The following CERS6 variants were observed in gnomAD, a reference collection of about 807,000 sequenced individuals.
The protein encoded by CERS6 is ceramide synthase 6.
A neutral mutation model predicts 56.8 loss-of-function variants in CERS6; 26 were observed. The ratio of observed to expected loss-of-function variants is 0.46; its 90% CI spans 0.34 to 0.63. CERS6 has a LOEUF of 0.63. Among genes scored for constraint, CERS6 ranks in the 30% least tolerant of loss-of-function variants. The pLI is 0.01. For synonymous variants in CERS6, 164 were observed against 173.3 expected (o/e 0.95, Z 0.42); for missense variants, 415 against 467.5 (o/e 0.89, Z 1.04).
intron 3 of CERS6, among the ~76,000 whole-genome samples, chr2:168,577,340 G>A (rs1484257233): frequency 6.6e-6 from 1 of 152,132 alleles, no homozygotes; most frequent in Non-Finnish European, 1.5e-5. Flanking sequence ...CAAGTCATTC[G>A]GTGTCTGCCA....
At chr2:168,760,738 G>GTTTGTTTATTTATTTATTTATTTA (rs376070301) in intron 8 of CERS6, among the ~76,000 whole-genome samples, 6 of 129,222 alleles carry the variant, frequency 4.6e-5, no homozygotes, top group African/African-American at 1.3e-4. Flanking sequence ...TTTACTGTTT[G>GTTTGTTTATTTATTTATTTATTTA]TTTATTTATT....
intron 1 of CERS6, among the ~76,000 whole-genome samples, chr2:168,470,174 C>T (rs1693950292): frequency 6.9e-6 from 1 of 144,854 alleles, no homozygotes; most frequent in Admixed American, 7.2e-5. Flanking sequence ...GAGTTTGAGA[C>T]CAACCTGAGC....
At position 168,771,550 on chromosome 2, in the gene CERS6, T is replaced by A. The variant is rs1278538974; in HGVS notation, c.*1888T>A. 1 of 152,170 alleles carries A rather than the reference T, an allele frequency of 6.6e-6. No individual in the cohort carries two copies. The highest frequency in any genetic ancestry group is 1.5e-5 in the Non-Finnish European group (1 of 68,018). 9.4% of individuals were successfully genotyped at this position (152,170 alleles called of 1,614,324 possible). A position where few individuals can be genotyped will look rare whatever the true frequency, so the allele number is the denominator to read the frequency against. On this transcript the variant is annotated 3_prime_UTR_variant, in exon 10 of 10. Coordinates refer to ENST00000305747, the MANE Select transcript of CERS6 (RefSeq NM_203463.3). ...TTTGTAAGAACAATCATAAAAGGACTTGTTAGTCTCCAGAACATCTGCTAA... is the reference window on the plus strand; with the variant it reads ...TTTGTAAGAACAATCATAAAAGGACATGTTAGTCTCCAGAACATCTGCTAA...
At chr2:168,486,970 T>C (rs1167692678) in intron 1 of CERS6, among the ~76,000 whole-genome samples, 14 of 152,182 alleles carry the variant, frequency 9.2e-5, no homozygotes, top group African/African-American at 3.4e-4. Context: ...GATTTTTTTT[T>C]CAGTGTGACT....
chr2:168,535,669 G>GTTTTTTTT (rs59139047), intron 1 of CERS6, among the ~76,000 whole-genome samples: 1 of 115,598 alleles, frequency 8.7e-6, no homozygotes, highest in African/African-American at 3.3e-5. Context: ...TTTGATACCA[G>GTTTTTTTT]TTTTTTTTTT....
intron 6 of CERS6, among the ~76,000 whole-genome samples, chr2:168,696,196 T>G (rs1271619263): frequency 6.6e-6 from 1 of 152,216 alleles, no homozygotes; most frequent in Non-Finnish European, 1.5e-5. Context: ...GCTTATTTTA[T>G]GAATGATGAA....
intron 1 of CERS6, among the ~76,000 whole-genome samples, chr2:168,520,698 C>T (rs1469072728): frequency 1.4e-5 from 2 of 147,760 alleles, no homozygotes; most frequent in African/African-American, 2.5e-5. Flanking sequence ...CAACCTCCGC[C>T]TCCTGGGTTC....
At chr2:168,460,185 GTCTTTTTTTTTTCTTT>G (rs761032105) in intron 1 of CERS6, among the ~76,000 whole-genome samples, 26 of 151,672 alleles carry the variant, frequency 1.7e-4, no homozygotes, top group South Asian at 4.2e-4. Context: ...GCGGCTGAAT[GTCTTTTTTTTTTCTTT>G]TCTTTTTTTT....
intron 2 of CERS6, among the ~76,000 whole-genome samples, chr2:168,548,065 A>T (rs1165691795): frequency 6.6e-6 from 1 of 152,110 alleles, no homozygotes; most frequent in Admixed American, 6.6e-5. Context: ...AATGTGATTT[A>T]TGTGTGTGCG....
intron 4 of CERS6, among the ~76,000 whole-genome samples, chr2:168,658,089 T>C (rs973996799): frequency 6.6e-6 from 1 of 152,224 alleles, no homozygotes; most frequent in African/African-American, 2.4e-5. Context: ...ACTAGATGTG[T>C]GACGTGTTGC....
chr2:168,714,508 C>T (rs1310912007), intron 6 of CERS6, among the ~76,000 whole-genome samples: 1 of 152,182 alleles, frequency 6.6e-6, no homozygotes, highest in Non-Finnish European at 1.5e-5. Flanking sequence ...ACAGTTGCCC[C>T]AAAGATCTTC....
intron 3 of CERS6, among the ~76,000 whole-genome samples, chr2:168,599,201 C>G (rs1683874928): frequency 6.6e-6 from 1 of 152,212 alleles, no homozygotes; most frequent in African/African-American, 2.4e-5. Flanking sequence ...GGCTGCTTCT[C>G]TGGGTGGAGG....
intron 3 of CERS6, among the ~76,000 whole-genome samples, chr2:168,607,700 G>C (rs1469811710): frequency 6.6e-6 from 1 of 152,162 alleles, no homozygotes; most frequent in East Asian, 1.9e-4. Context: ...TATCTTAATA[G>C]AAATGTTTTA....
chr2:168,458,969 C>A (rs1011275760), intron 1 of CERS6, among the ~76,000 whole-genome samples: 1 of 152,216 alleles, frequency 6.6e-6, no homozygotes, highest in Non-Finnish European at 1.5e-5. Context: ...AAAACAGAAC[C>A]ATTCAGTATT....
chr2:168,512,177 A>T (rs962093930), intron 1 of CERS6, among the ~76,000 whole-genome samples: 4 of 152,192 alleles, frequency 2.6e-5, no homozygotes, highest in African/African-American at 9.6e-5. Flanking sequence ...AGGAGCTAGG[A>T]GGAGAGGAAA....
At chr2:168,624,068 A>T (rs1260775759) in intron 3 of CERS6, among the ~76,000 whole-genome samples, 1 of 152,188 alleles carries the variant, frequency 6.6e-6, no homozygotes, top group Non-Finnish European at 1.5e-5. Flanking sequence ...ACAGAAATAT[A>T]CTGATGTTCC....
At chr2:168,730,122 G>C (rs12988358) in intron 8 of CERS6, among the ~76,000 whole-genome samples, 61,575 of 152,104 alleles carry the variant, frequency 0.4, 13,198 homozygotes, top group Non-Finnish European at 0.48. Context: ...AGACAGACAA[G>C]AGTGACTTAG....
intron 1 of CERS6, among the ~76,000 whole-genome samples, chr2:168,504,362 TC>T (rs1463255248): frequency 2.7e-5 from 4 of 149,680 alleles, no homozygotes; most frequent in African/African-American, 9.9e-5. Flanking sequence ...CAGAGTGAGA[TC>T]CCATTTAAAC....
intron 4 of CERS6, 50 bp from the exon 5 acceptor site, chr2:168,690,984 T>C (rs1277468601): frequency 6.5e-7 from 1 of 1,533,052 alleles, no homozygotes; most frequent in Non-Finnish European, 9.0e-7. Context: ...TTTTTTATCC[T>C]CTTATCCATG....
Sources: gnomAD v4.1 joint callset for allele counts (sites outside exome capture counted in the v4.1 genomes callset) on GRCh38, gnomAD v4.1.1 for gene constraint, MANE v1.5 for transcripts, NCBI Gene and HGNC (gene_info 2026-07-23, HGNC 2026-07-21) for gene names.